The following UNC13C variants were observed in gnomAD, a reference collection of about 807,000 sequenced individuals.
UNC13C encodes the protein protein unc-13 homolog C.
In UNC13C, 174 loss-of-function variants were observed where a neutral mutation model predicts 245.4. That is an observed-to-expected ratio of 0.71 (90% CI 0.63 to 0.80). UNC13C has a LOEUF of 0.80. UNC13C is among the 30% of genes least tolerant of loss of function. UNC13C has a pLI of 0.00. For missense variants in UNC13C, 2,829 were observed against 2,602.9 expected, an observed-to-expected ratio of 1.09 and a Z score of -1.89; for synonymous variants, 992 against 895.1, an observed-to-expected ratio of 1.11 and a Z score of -1.93.
chr15:54,229,367 A>G (rs1231379613), intron 4 of UNC13C, among the ~76,000 whole-genome samples: 2 of 152,160 alleles, frequency 1.3e-5, no homozygotes, highest in East Asian at 3.9e-4. Flanking sequence ...TTTTTGGTGG[A>G]TGCTTGTTCA....
intron 17 of UNC13C, among the ~76,000 whole-genome samples, chr15:54,348,988 T>C (rs1297392266): frequency 6.6e-6 from 1 of 151,712 alleles, no homozygotes; most frequent in African/African-American, 2.4e-5. Flanking sequence ...ATAGGTGTTT[T>C]TTACCACCTT....
At chr15:54,286,918 A>G (rs189947409) in intron 10 of UNC13C, among the ~76,000 whole-genome samples, 18 of 152,318 alleles carry the variant, frequency 1.2e-4, no homozygotes, top group Admixed American at 1.2e-3. Flanking sequence ...TCTCTTTAAC[A>G]ATGAAAACAT....
At chr15:54,444,059 T>C (rs549210442) in intron 19 of UNC13C, among the ~76,000 whole-genome samples, 2 of 152,124 alleles carry the variant, frequency 1.3e-5, no homozygotes, top group South Asian at 2.1e-4. Flanking sequence ...ATATCCACTT[T>C]ATATATCTGG....
In UNC13C at chr15:54,510,172, A is replaced by G. The variant is rs562129787; in HGVS notation, c.5380-1581A>G. ...TAACTTAGACATGGGAAACAAGGTG[A>G]TAATAACCACTCACTTGTGTAGTCT... On this transcript the variant is annotated intron_variant, in intron 23 of 32. Transcript: ENST00000260323. 9.2e-5 allele frequency among the ~76,000 whole-genome samples: 14 copies of G among 152,362 alleles called. No homozygotes were observed. The South Asian group carries it at 2.9e-3, about 32-fold the overall frequency.
chr15:53,900,641 A>C, the UNC13C span, among the ~76,000 whole-genome samples: 1 of 152,204 alleles, frequency 6.6e-6, no homozygotes, highest in Non-Finnish European at 1.5e-5. Context: ...ATAAAAATAG[A>C]GGCCCAGTGT....
intron 2 of UNC13C, among the ~76,000 whole-genome samples, chr15:54,026,849 C>A (rs1416170411): frequency 6.6e-6 from 1 of 152,082 alleles, no homozygotes; most frequent in South Asian, 2.1e-4. Flanking sequence ...CCTGGCTGGG[C>A]GTCTGGGATA....
chr15:53,957,128 T>G, the UNC13C span, among the ~76,000 whole-genome samples: 1 of 131,898 alleles, frequency 7.6e-6, no homozygotes, highest in African/African-American at 3.0e-5. Flanking sequence ...GAAATGGGAA[T>G]GTTCTTTTTT....
intron 8 of UNC13C, among the ~76,000 whole-genome samples, chr15:54,261,514 TTTTG>T (rs556966913): frequency 3.4e-5 from 5 of 146,740 alleles, no homozygotes; most frequent in Non-Finnish European, 4.4e-5. Context: ...AAGTAGAAAT[TTTTG>T]TTTGTTTGTT....
intron 2 of UNC13C, among the ~76,000 whole-genome samples, chr15:54,057,413 A>G (rs1897584775): frequency 6.6e-6 from 1 of 151,386 alleles, no homozygotes; most frequent in African/African-American, 2.4e-5. Context: ...AGAGCTAACT[A>G]TCCTAAATAT....
rs182534434 is a variant in UNC13C at position 54,253,101 on chromosome 15, A to C, written c.3448+2657A>C. ...GAGTAATTACAGTCTATCAACACAC[A>C]CATGCTAAAAGAAATTAAATTCTCT... On this transcript the variant is annotated intron_variant, in intron 8 of 32. Transcript: ENST00000260323. Among the ~76,000 whole-genome samples the C allele has an allele frequency of 2.7e-3, 404 of 152,316 alleles. 2 individuals are homozygous for C. The highest frequency in any genetic ancestry group is 1.6e-3 in the Non-Finnish European group (107 of 68,022).
chr15:54,245,471 T>C (rs2035967106), intron 7 of UNC13C, among the ~76,000 whole-genome samples: 1 of 152,166 alleles, frequency 6.6e-6, no homozygotes, highest in South Asian at 2.1e-4. Context: ...AGATAGGATA[T>C]AACTTTTAGT....
chr15:54,131,142 G>A (rs2031391366), intron 2 of UNC13C, among the ~76,000 whole-genome samples: 1 of 151,444 alleles, frequency 6.6e-6, no homozygotes, highest in South Asian at 2.1e-4. Flanking sequence ...GCTTAGATAT[G>A]TTTTAAAGTT....
In UNC13C at chr15:54,442,380, G is replaced by T. The variant is rs188299703; in HGVS notation, c.4933+27313G>T. ...TGGGATTACAGGCATCTGCCATCATGCTCAGCTAATTTTTGTATTTTTGTA... is the reference window on the plus strand; with the variant it reads ...TGGGATTACAGGCATCTGCCATCATTCTCAGCTAATTTTTGTATTTTTGTA... On this transcript the variant is annotated intron_variant, in intron 19 of 32. Transcript: ENST00000260323. Among the ~76,000 whole-genome samples, 39 of 151,318 alleles carry T rather than the reference G, an allele frequency of 2.6e-4. 1 individual carries two copies. In the East Asian group the frequency reaches 7.1e-3, roughly 28 times the overall value.
At chr15:54,289,874 G>T (rs1486975369) in intron 10 of UNC13C, among the ~76,000 whole-genome samples, 1 of 152,080 alleles carries the variant, frequency 6.6e-6, no homozygotes. Context: ...CACCTTGCTT[G>T]AATGCAGGGT....
intron 24 of UNC13C, among the ~76,000 whole-genome samples, chr15:54,513,972 G>A (rs907173814): frequency 1.3e-5 from 2 of 152,094 alleles, no homozygotes; most frequent in Non-Finnish European, 2.9e-5. Context: ...TTGATGAAAT[G>A]TCAGGAGGAA....
At chr15:53,921,870 T>A in the UNC13C span, among the ~76,000 whole-genome samples, 3 of 152,192 alleles carry the variant, frequency 2.0e-5, no homozygotes, top group Non-Finnish European at 4.4e-5. Flanking sequence ...GTCATTTCAT[T>A]TAAATGGGGT....
chr15:53,956,932 C>T, the UNC13C span, among the ~76,000 whole-genome samples: 1 of 129,968 alleles, frequency 7.7e-6, no homozygotes, highest in African/African-American at 2.8e-5. Flanking sequence ...GTGTGTAAAA[C>T]ATGGCAGCTC....
At chr15:54,481,120 T>C (rs77408723) in intron 19 of UNC13C, among the ~76,000 whole-genome samples, 4,504 of 152,282 alleles carry the variant, frequency 0.03, 178 homozygotes, top group Admixed American at 0.12. Context: ...CTGTAATCAG[T>C]ATCATTAATG....
chr15:54,253,682 C>T (rs555985812), intron 8 of UNC13C, among the ~76,000 whole-genome samples: 3 of 152,058 alleles, frequency 2.0e-5, no homozygotes, highest in Non-Finnish European at 2.9e-5. Flanking sequence ...GTTAACATAA[C>T]GTGTAAGGAA....
Sources: gnomAD v4.1 joint callset for allele counts (sites outside exome capture counted in the v4.1 genomes callset) on GRCh38, gnomAD v4.1.1 for gene constraint, MANE v1.5 for transcripts, NCBI Gene and HGNC (gene_info 2026-07-23, HGNC 2026-07-21) for gene names.